The following SLC9A7 variants were observed in gnomAD, a reference collection of about 807,000 sequenced individuals.
SLC9A7 encodes the protein solute carrier family 9 member A7, also known as sodium/hydrogen exchanger 7.
In SLC9A7, 19 loss-of-function variants were observed where a neutral mutation model predicts 52.6. The ratio of observed to expected loss-of-function variants is 0.36; its 90% confidence interval spans 0.25 to 0.53. The LOEUF (loss-of-function observed/expected upper bound fraction) is 0.53. Ranked by LOEUF, SLC9A7 falls within the 20% of genes least tolerant of loss-of-function variation. The pLI, the probability that SLC9A7 is intolerant of heterozygous loss-of-function variation, is 0.91. For missense variants in SLC9A7, 455 were observed against 597.9 expected (o/e 0.76, Z 2.49); for synonymous variants, 226 against 252.1 (o/e 0.90, Z 0.98).
chrX:46,619,155 G>T (rs1200452633), intron 15 of SLC9A7, among the ~76,000 whole-genome samples: 1 of 111,408 alleles, frequency 9.0e-6, no homozygotes, highest in Non-Finnish European at 1.9e-5. Context: ...ATATGCAAAG[G>T]TGCTCAACCC....
intron 2 of SLC9A7, among the ~76,000 whole-genome samples, chrX:46,680,779 C>T (rs1470337155): frequency 8.9e-6 from 1 of 112,460 alleles, no homozygotes; most frequent in Non-Finnish European, 1.9e-5. Context: ...TTTAAACCTT[C>T]ATTCTAGTTA....
In SLC9A7 at chrX:46,755,371, G is replaced by A. The variant is rs182281821; in HGVS notation, c.325+3334C>T. ...GGAGGGAGGGAGGGAGAGAGAGAGA[G>A]AAATCTCTTCCCCTTTCCCCATTTT... is the stretch of plus-strand genomic sequence containing the variant. On this transcript the variant is annotated intron_variant, in intron 1 of 16. Coordinates refer to ENST00000616978, the MANE Select transcript of SLC9A7 (RefSeq NM_001257291.2). 2.0e-3 allele frequency among the ~76,000 whole-genome samples: 221 copies of A among 110,124 alleles called. 1 individual carries two copies. The highest frequency in any genetic ancestry group is 6.8e-3 in the African/African-American group (205 of 30,248).
At chrX:46,741,857 C>T (rs200798443) in intron 1 of SLC9A7, among the ~76,000 whole-genome samples, 5 of 108,550 alleles carry the variant, frequency 4.6e-5, no homozygotes, top group Non-Finnish European at 7.7e-5. Flanking sequence ...AAAAAAAAAA[C>T]CCCAAAGCTA....
rs185098606 is a variant in SLC9A7, at chrX:46,748,206, C to T, written c.325+10499G>A. On this transcript the variant is annotated intron_variant, in intron 1 of 16. Transcript: ENST00000616978. ...TACTAAAAATACAAAATTAGCTGGG[C>T]GTGGTGGCACATGCCTGTAATCCCA... Among the ~76,000 whole-genome samples, 10 of 109,866 alleles carry T rather than the reference C, an allele frequency of 9.1e-5. No homozygotes were observed. The East Asian group carries it at 2.6e-3, about 28-fold the overall frequency.
intron 12 of SLC9A7, among the ~76,000 whole-genome samples, chrX:46,637,871 T>C (rs1300151622): frequency 8.9e-6 from 1 of 112,907 alleles, no homozygotes; most frequent in Non-Finnish European, 1.9e-5. Flanking sequence ...ATTGGATTTA[T>C]GGAAAGCAGT....
chrX:46,627,507 G>A (rs1171859165), intron 14 of SLC9A7, among the ~76,000 whole-genome samples: 1 of 111,378 alleles, frequency 9.0e-6, no homozygotes, highest in Non-Finnish European at 1.9e-5. Flanking sequence ...AGGCCTGAGT[G>A]TCTCCACTCT....
chrX:46,638,664 T>G (rs1943358034), intron 12 of SLC9A7, among the ~76,000 whole-genome samples: 1 of 112,002 alleles, frequency 8.9e-6, no homozygotes, highest in Admixed American at 9.4e-5. Flanking sequence ...TTACCCAATA[T>G]GAAATAGGTC....
At chrX:46,633,335 C>CTA (rs1318303563) in intron 13 of SLC9A7, among the ~76,000 whole-genome samples, 35 of 11,898 alleles carry the variant, frequency 2.9e-3, no homozygotes, top group African/African-American at 9.8e-3. Flanking sequence ...CTTGCTGCTG[C>CTA]TAAAAAAAAA....
rs755204308 is a variant in SLC9A7 at position 46,737,814 on chromosome X, C to A, written c.325+20891G>T. Among the ~76,000 whole-genome samples, 8 of 109,772 alleles carry A rather than the reference C, an allele frequency of 7.3e-5. No individual in the cohort carries two copies. The South Asian group carries it at 3.1e-3, about 43-fold the overall frequency. On this transcript the variant is annotated intron_variant, in intron 1 of 16. Coordinates refer to ENST00000616978, the MANE Select transcript of SLC9A7 (RefSeq NM_001257291.2). ...GACTGAGGTGGGAGAATCACTTGAG[C>A]CCAGAAATTCGAGACCAGCCTGGGC...
intron 1 of SLC9A7, among the ~76,000 whole-genome samples, chrX:46,734,742 G>A (rs1018811692): frequency 2.8e-5 from 3 of 108,033 alleles, no homozygotes; most frequent in African/African-American, 1.0e-4. Flanking sequence ...CAATTTTATT[G>A]AGTTATAATT....
intron 7 of SLC9A7, 119 bp from the exon 8 acceptor site, chrX:46,653,833 T>C (rs1165417827): frequency 4.3e-6 from 2 of 466,814 alleles, no homozygotes; most frequent in South Asian, 4.0e-5. Flanking sequence ...ACCTTTTTTT[T>C]TTTTTGGAGG....
intron 1 of SLC9A7, chrX:46,725,634 T>C: frequency 2.6e-6 from 3 of 1,140,664 alleles, no homozygotes; most frequent in Non-Finnish European, 3.6e-6. Context: ...GGCTTTCTGC[T>C]TAACCATACT....
intron 1 of SLC9A7, among the ~76,000 whole-genome samples, chrX:46,715,584 T>C (rs1015243221): frequency 8.9e-6 from 1 of 112,133 alleles, no homozygotes; most frequent in African/African-American, 3.2e-5. Context: ...TAGTTGAAAA[T>C]GACAAATGTC....
At chrX:46,678,532 G>C (rs1310781711) in intron 3 of SLC9A7, among the ~76,000 whole-genome samples, 1 of 107,497 alleles carries the variant, frequency 9.3e-6, no homozygotes, top group East Asian at 2.9e-4. Context: ...AAACTCCTAG[G>C]CTCAAGCTCC....
intron 5 of SLC9A7, 35 bp from the exon 6 acceptor site, chrX:46,662,678 T>C: frequency 9.2e-7 from 1 of 1,082,801 alleles, no homozygotes; most frequent in Non-Finnish European, 1.3e-6. Context: ...AAATTAGTTT[T>C]GGTTTCTGAC....
At chrX:46,628,578 T>C (rs1187429954) in intron 14 of SLC9A7, among the ~76,000 whole-genome samples, 4 of 112,583 alleles carry the variant, frequency 3.6e-5, no homozygotes. Flanking sequence ...ACTCTGTTTA[T>C]AGCCTTGGGC....
At chrX:46,651,692 G>C (rs1396660228) in intron 8 of SLC9A7, among the ~76,000 whole-genome samples, 1 of 109,672 alleles carries the variant, frequency 9.1e-6, no homozygotes, top group Admixed American at 9.7e-5. Flanking sequence ...AGCCGGATGT[G>C]GTGGCGTGGG....
intron 14 of SLC9A7, among the ~76,000 whole-genome samples, chrX:46,628,380 C>T (rs5952915): frequency 0.011 from 1,292 of 112,410 alleles, 21 homozygotes; most frequent in African/African-American, 0.04. Flanking sequence ...AAACAAAGCA[C>T]TGAGTTTTGT....
intron 1 of SLC9A7, among the ~76,000 whole-genome samples, chrX:46,694,144 C>G (rs769276561): frequency 9.2e-6 from 1 of 108,338 alleles, no homozygotes; most frequent in Non-Finnish European, 1.9e-5. Flanking sequence ...ACACATGTAT[C>G]TTCTGTATCT....
Sources: gnomAD v4.1 joint callset for allele counts (sites outside exome capture counted in the v4.1 genomes callset) on GRCh38, gnomAD v4.1.1 for gene constraint, MANE v1.5 for transcripts, NCBI Gene and HGNC (gene_info 2026-07-23, HGNC 2026-07-21) for gene names.